The following KIF16B variants were observed in gnomAD, a reference collection of about 807,000 sequenced individuals.
KIF16B encodes kinesin family member 16B.
Under a neutral mutation model 156.3 loss-of-function variants are expected in KIF16B, and 98 were observed. The ratio of observed to expected loss-of-function variants is 0.63; its 90% CI spans 0.53 to 0.74. The LOEUF is 0.74. Among genes scored for constraint, KIF16B ranks in the 30% least tolerant of loss-of-function variants. The pLI, the probability that KIF16B is intolerant of heterozygous loss-of-function variation, is 0.00. For missense variants in KIF16B, 1,421 were observed against 1,606.5 expected (o/e 0.88, Z 1.97); for synonymous variants, 564 against 583.7 (o/e 0.97, Z 0.49).
At chr20:16,278,872 T>G (rs2063103384) in intron 25 of KIF16B, among the ~76,000 whole-genome samples, 1 of 152,180 alleles carries the variant, frequency 6.6e-6, no homozygotes, top group African/African-American at 2.4e-5. Context: ...GGCAAGTCTG[T>G]CTACACCGGG....
At position 16,273,145 on chromosome 20, in the gene KIF16B, T is replaced by C; in HGVS notation, c.*108A>G. 1 of 931,656 alleles carries C rather than the reference T, an allele frequency of 1.1e-6. No individual in the cohort carries two copies. 57.7% of individuals were successfully genotyped at this position (931,656 alleles called of 1,614,324 possible). On this transcript the variant is annotated 3_prime_UTR_variant, in exon 26 of 26. Transcript: ENST00000354981. ...CGGGCCCGCTGCTGCATGTCTGTCT[T>C]CAGCAGGAGGAGGCAGACCCGGATC...
chr20:16,475,714 T>C (rs911747155), intron 12 of KIF16B, among the ~76,000 whole-genome samples: 2 of 152,084 alleles, frequency 1.3e-5, no homozygotes, highest in Admixed American at 6.5e-5. Flanking sequence ...AAAGAAGAAA[T>C]GATATTACAA....
At chr20:16,296,434 T>C (rs556500960) in intron 25 of KIF16B, among the ~76,000 whole-genome samples, 1 of 152,170 alleles carries the variant, frequency 6.6e-6, no homozygotes, top group South Asian at 2.1e-4. Context: ...CCCAGGAAAA[T>C]GAAAAACGTT....
chr20:16,277,573 G>A (rs909690556), intron 25 of KIF16B, among the ~76,000 whole-genome samples: 1 of 151,376 alleles, frequency 6.6e-6, no homozygotes, highest in African/African-American at 2.4e-5. Flanking sequence ...AGCATCTGTG[G>A]CTGAAGGGAG....
intron 12 of KIF16B, among the ~76,000 whole-genome samples, chr20:16,486,431 G>A (rs1028416053): frequency 1.3e-5 from 2 of 152,150 alleles, no homozygotes; most frequent in African/African-American, 4.8e-5. Flanking sequence ...GCATGTCAAA[G>A]GATGCCCACC....
chr20:16,379,936 TC>T lies in KIF16B; in HGVS notation c.2065del (p.Glu689LysfsTer63). 3 of 1,614,228 alleles carry T rather than the reference TC, an allele frequency of 1.9e-6. No individual in the cohort carries two copies. The South Asian group carries it at 3.3e-5, about 18-fold the overall frequency. ...TTGTCTCTTCTTCTGCAGCTCGATT[TC>T]CTGCTGTTCCCTCAGCCTCTCCTCT... ...FEEERLREQQ[E>X]IELQKKRQEE... On this transcript the variant is annotated frameshift_variant, in exon 19 of 26. Transcript: ENST00000354981. LOFTEE classifies it high-confidence loss of function.
chr20:16,414,569 G>A (rs1248970794), intron 15 of KIF16B, among the ~76,000 whole-genome samples: 1 of 152,140 alleles, frequency 6.6e-6, no homozygotes. Context: ...GGACTCTGTA[G>A]AAGAAAGAAA....
Position 16,417,962 on chromosome 20 carries a change from GA to G in KIF16B, c.1612+9141del, listed in dbSNP as rs200881936. Among the ~76,000 whole-genome samples the G allele has an allele frequency of 2.0e-3, 301 of 151,026 alleles. 1 individual carries two copies. In the East Asian group the frequency reaches 0.037, roughly 19 times the overall value. On this transcript the variant is annotated intron_variant, in intron 15 of 25. Coordinates refer to ENST00000354981, the MANE Select transcript of KIF16B (RefSeq NM_024704.5). ...AGAGGGGAAAGAGTATAGTGCGGGG[GA>G]AAAAAAAATTAACAAATAATGGTTG...
At chr20:16,387,669 G>A (rs2065260794) in intron 17 of KIF16B, among the ~76,000 whole-genome samples, 1 of 152,172 alleles carries the variant, frequency 6.6e-6, no homozygotes, top group Non-Finnish European at 1.5e-5. Context: ...GGAAGGGGAG[G>A]AGAAGGCAAC....
chr20:16,322,362 G>C (rs942288551), intron 24 of KIF16B, among the ~76,000 whole-genome samples: 5 of 151,774 alleles, frequency 3.3e-5, no homozygotes, highest in African/African-American at 9.7e-5. Context: ...TACATTTTTG[G>C]TTGAAAAATA....
At chr20:16,528,149 G>A (rs2069618121) in intron 2 of KIF16B, among the ~76,000 whole-genome samples, 1 of 152,276 alleles carries the variant, frequency 6.6e-6, no homozygotes, top group South Asian at 2.1e-4. Context: ...CAACAGCTTG[G>A]ATTTGGCTTC....
chr20:16,410,399 T>C (rs1398307080), intron 15 of KIF16B, among the ~76,000 whole-genome samples: 1 of 151,174 alleles, frequency 6.6e-6, no homozygotes, highest in African/African-American at 2.4e-5. Flanking sequence ...AGGTTGACTA[T>C]CCCTTAGCCA....
At chr20:16,398,832 G>A (rs2065578666) in intron 17 of KIF16B, among the ~76,000 whole-genome samples, 1 of 152,136 alleles carries the variant, frequency 6.6e-6, no homozygotes, top group Non-Finnish European at 1.5e-5. Flanking sequence ...ACAGGGACCT[G>A]GGCAAGGGAG....
chr20:16,542,396 C>T (rs748344440), intron 1 of KIF16B, among the ~76,000 whole-genome samples: 1 of 152,106 alleles, frequency 6.6e-6, no homozygotes, highest in South Asian at 2.1e-4. Context: ...GTAAACAATA[C>T]AGTCCCAGCC....
At chr20:16,321,227 T>A (rs1363154088) in intron 24 of KIF16B, among the ~76,000 whole-genome samples, 2 of 152,102 alleles carry the variant, frequency 1.3e-5, no homozygotes, top group Non-Finnish European at 2.9e-5. Context: ...AATCTGTTCC[T>A]TTTTTTCTTA....
At chr20:16,336,203 G>A (rs192827646) in intron 23 of KIF16B, among the ~76,000 whole-genome samples, 188 bp from the exon 24 acceptor site, 100 of 152,304 alleles carry the variant, frequency 6.6e-4, no homozygotes, top group Non-Finnish European at 1.2e-3. Context: ...TAAACATGCA[G>A]CTTTGGCTCT....
rs566322684 is a variant in KIF16B, at chr20:16,447,839, T to TA, written c.1303-17858dup. On this transcript the variant is annotated intron_variant, in intron 12 of 25. Coordinates refer to ENST00000354981, the MANE Select transcript of KIF16B (RefSeq NM_024704.5). ...ACCATTGACAAGCCAGGCATGGTGG[T>TA]AGGCACCTGTTGTCACAGCTACTCA... Among the ~76,000 whole-genome samples, 17 of 152,206 alleles carry TA rather than the reference T, an allele frequency of 1.1e-4. No homozygotes were observed. The East Asian group carries it at 2.7e-3, about 24-fold the overall frequency.
chr20:16,440,379 T>G (rs956066700), intron 12 of KIF16B, among the ~76,000 whole-genome samples: 1 of 152,100 alleles, frequency 6.6e-6, no homozygotes, highest in Admixed American at 6.6e-5. Flanking sequence ...CATAAATAAT[T>G]TAATAACTGT....
intron 24 of KIF16B, among the ~76,000 whole-genome samples, chr20:16,316,280 C>T (rs17659157): frequency 2.0e-5 from 3 of 152,054 alleles, no homozygotes; most frequent in African/African-American, 7.2e-5. Flanking sequence ...TGCTGATCAG[C>T]GATACCTAAG....
Sources: allele counts gnomAD v4.1 joint callset (sites outside exome capture counted in the v4.1 genomes callset), GRCh38; gene constraint gnomAD v4.1.1; transcripts MANE v1.5; gene names NCBI Gene and HGNC (gene_info 2026-07-23, HGNC 2026-07-21).